The following DENND1B variants were observed in gnomAD, a reference collection of about 807,000 sequenced individuals.
DENND1B encodes DENN domain-containing protein 1B.
DENND1B carries 59 observed loss-of-function variants against 90.1 expected under a neutral mutation model. The observed-to-expected ratio is 0.65, with a 90% CI of 0.53 to 0.81. The LOEUF (loss-of-function observed/expected upper bound fraction) is 0.81, where lower values mean the gene tolerates loss of function less well. DENND1B is among the 40% of genes least tolerant of loss of function. DENND1B has a pLI of 0.00. For synonymous variants in DENND1B, 337 were observed against 324.6 expected, an observed-to-expected ratio of 1.04 and a Z score of -0.41; for missense variants, 862 against 912.6, an observed-to-expected ratio of 0.94 and a Z score of 0.71.
At chr1:197,599,904 A>G (rs948636226) in intron 13 of DENND1B, among the ~76,000 whole-genome samples, 1 of 151,870 alleles carries the variant, frequency 6.6e-6, no homozygotes, top group African/African-American at 2.4e-5. Flanking sequence ...GGTCTTTAAC[A>G]AGAACTACAC....
intron 14 of DENND1B, 51 bp from the exon 15 acceptor site, chr1:197,583,304 G>A: frequency 6.5e-7 from 1 of 1,542,562 alleles, no homozygotes; most frequent in Non-Finnish European, 9.0e-7. Flanking sequence ...TAGTCAGAGA[G>A]AACTAGTCTC....
chr1:197,733,626 G>A (rs935877474), intron 2 of DENND1B, among the ~76,000 whole-genome samples: 2 of 152,160 alleles, frequency 1.3e-5, no homozygotes, highest in African/African-American at 4.8e-5. Context: ...TACTCAACAT[G>A]CACAATAATG....
chr1:197,735,603 G>A (rs568547356), intron 2 of DENND1B: 25 of 1,614,106 alleles, frequency 1.5e-5, no homozygotes, highest in Middle Eastern at 1.6e-4. Flanking sequence ...TACAGGTTGG[G>A]GCCATCTTTT....
chr1:197,509,665 T>G lies in DENND1B; in HGVS notation c.*795A>C, dbSNP rs1272212610. On this transcript the variant is annotated 3_prime_UTR_variant, in exon 23 of 23. Coordinates refer to ENST00000620048, the MANE Select transcript of DENND1B (RefSeq NM_001195215.2). ...TTTTGTCAGGACGGTTTATGTTGTA[T>G]TTGGCTTTCTTGGGGTGGACCCCTA... The G allele has an allele frequency of 6.6e-6, 1 of 151,888 alleles. No homozygotes were observed. Among genetic ancestry groups the G allele is most frequent in the African/African-American group, 2.4e-5 (1 of 41,302 alleles). 9.4% of individuals were successfully genotyped at this position (151,888 alleles called of 1,614,324 possible).
chr1:197,775,103 C>A, intron 1 of DENND1B, 36 bp downstream of exon 1: 36 of 1,238,962 alleles, frequency 2.9e-5, no homozygotes, highest in Admixed American at 3.6e-5. Context: ...CGCCGAGGGA[C>A]GCCCGCCCCC....
chr1:197,701,576 T>C (rs1245169459), intron 3 of DENND1B, among the ~76,000 whole-genome samples: 1 of 150,512 alleles, frequency 6.6e-6, no homozygotes, highest in Non-Finnish European at 1.5e-5. Flanking sequence ...AGAAAGAAGA[T>C]AGAAGAAGAA....
At chr1:197,703,565 C>T (rs1659243826) in intron 3 of DENND1B, among the ~76,000 whole-genome samples, 1 of 151,972 alleles carries the variant, frequency 6.6e-6, no homozygotes, top group Non-Finnish European at 1.5e-5. Context: ...CTTTGCAGAC[C>T]TCTGAGATGT....
intron 12 of DENND1B, among the ~76,000 whole-genome samples, chr1:197,611,705 C>T (rs985730915): frequency 7.3e-5 from 11 of 150,644 alleles, no homozygotes; most frequent in Non-Finnish European, 1.6e-4. Flanking sequence ...TTCTACCAAA[C>T]ATAACCTATT....
At chr1:197,692,463 T>G (rs936547306) in intron 3 of DENND1B, among the ~76,000 whole-genome samples, 1 of 151,842 alleles carries the variant, frequency 6.6e-6, no homozygotes, top group African/African-American at 2.4e-5. Flanking sequence ...AATCCCACAC[T>G]CCAACCACAT....
chr1:197,622,213 T>C (rs1344627582), intron 10 of DENND1B, among the ~76,000 whole-genome samples: 1 of 151,340 alleles, frequency 6.6e-6, no homozygotes, highest in Non-Finnish European at 1.5e-5. Context: ...TTACATAATG[T>C]TTACCATGTG....
At chr1:197,623,758 A>C (rs1210959169) in intron 10 of DENND1B, among the ~76,000 whole-genome samples, 3 of 151,492 alleles carry the variant, frequency 2.0e-5, no homozygotes, top group Non-Finnish European at 3.0e-5. Flanking sequence ...TTGTCATCTG[A>C]GTCCCTAATT....
At chr1:197,667,578 C>T (rs1390036100) in intron 5 of DENND1B, among the ~76,000 whole-genome samples, 13 of 152,118 alleles carry the variant, frequency 8.5e-5, no homozygotes, top group East Asian at 3.9e-4. Context: ...TATAGGCGTG[C>T]GCCACCACGC....
chr1:197,591,082 A>T (rs1675159578), intron 14 of DENND1B, among the ~76,000 whole-genome samples: 1 of 152,092 alleles, frequency 6.6e-6, no homozygotes, highest in Non-Finnish European at 1.5e-5. Flanking sequence ...TTTTGGTTTT[A>T]TTCTTTTTTG....
At chr1:197,763,538 T>C (rs1655359222) in intron 2 of DENND1B, among the ~76,000 whole-genome samples, 1 of 152,228 alleles carries the variant, frequency 6.6e-6, no homozygotes, top group Non-Finnish European at 1.5e-5. Flanking sequence ...AACAATCCCC[T>C]GCCAAGGCAA....
chr1:197,556,636 C>T (rs1022708159), intron 15 of DENND1B, among the ~76,000 whole-genome samples: 3 of 151,932 alleles, frequency 2.0e-5, no homozygotes, highest in Non-Finnish European at 4.4e-5. Context: ...GTATCAAAGG[C>T]CTGCATCACA....
chr1:197,640,774 T>C (rs1319108332), intron 10 of DENND1B, among the ~76,000 whole-genome samples: 2 of 152,196 alleles, frequency 1.3e-5, no homozygotes, highest in African/African-American at 4.8e-5. Context: ...TTCACTCACA[T>C]AGCTTATTCC....
At chr1:197,544,208 T>C (rs533634944) in intron 18 of DENND1B, among the ~76,000 whole-genome samples, 2 of 152,282 alleles carry the variant, frequency 1.3e-5, no homozygotes, top group East Asian at 3.9e-4. Context: ...TAAAAGCTTT[T>C]TTTGTGTACG....
intron 2 of DENND1B, chr1:197,747,260 A>T (rs1652827062): frequency 1.6e-6 from 1 of 630,884 alleles, no homozygotes; most frequent in Non-Finnish European, 3.0e-6. Flanking sequence ...CACTCTTCAT[A>T]GGCATTTACA....
At chr1:197,542,908 A>C (rs1670439946) in intron 18 of DENND1B, among the ~76,000 whole-genome samples, 1 of 145,750 alleles carries the variant, frequency 6.9e-6, no homozygotes, top group Non-Finnish European at 1.5e-5. Flanking sequence ...CCTCCAGAGT[A>C]GAAACCTTTT....
Sources: allele counts gnomAD v4.1 joint callset (sites outside exome capture counted in the v4.1 genomes callset), GRCh38; gene constraint gnomAD v4.1.1; transcripts MANE v1.5; gene names NCBI Gene and HGNC (gene_info 2026-07-23, HGNC 2026-07-21).